The following RGS3 variants were observed in gnomAD, a reference collection of about 807,000 sequenced individuals.
The protein encoded by RGS3 is regulator of G protein signaling 3.
Under a neutral mutation model 132.6 loss-of-function variants are expected in RGS3, and 80 were observed. The observed-to-expected ratio is 0.60, with a 90% CI of 0.50 to 0.73. RGS3 has a LOEUF of 0.73. Among genes scored for constraint, RGS3 ranks in the 30% least tolerant of loss-of-function variants. The pLI, the probability that RGS3 is intolerant of heterozygous loss-of-function variation, is 0.00. For synonymous variants in RGS3, 598 were observed against 620.6 expected (o/e 0.96, Z 0.54); for missense variants, 1,382 against 1,530.8 (o/e 0.90, Z 1.62).
chr9:113,514,363 T>C, intron 14 of RGS3, 95 bp from the exon 13 acceptor site: 1 of 1,125,114 alleles, frequency 8.9e-7, no homozygotes, highest in Non-Finnish European at 1.3e-6. Context: ...AAAGTGGTTG[T>C]TGACGGAATG....
chr9:113,595,814 T>G, intron 24 of RGS3, 49 bp downstream of exon 22: 5 of 1,569,566 alleles, frequency 3.2e-6, no homozygotes, highest in Non-Finnish European at 4.4e-6. Flanking sequence ...CAGGGCCCAG[T>G]GGCCCTTCAG....
chr9:113,504,126 C>T (rs2119312664), intron 10 of RGS3, among the ~76,000 whole-genome samples: 1 of 152,284 alleles, frequency 6.6e-6, no homozygotes, highest in South Asian at 2.1e-4. Flanking sequence ...CCCTCCCACT[C>T]ACCTTCCTTA....
intron 19 of RGS3, among the ~76,000 whole-genome samples, chr9:113,567,906 C>A (rs1231396961): frequency 2.6e-5 from 4 of 152,216 alleles, no homozygotes; most frequent in Non-Finnish European, 5.9e-5. Flanking sequence ...AGAGGCACAG[C>A]TGAAGAGAGA....
At chr9:113,577,827 C>T (rs1834602639) in intron 19 of RGS3, among the ~76,000 whole-genome samples, 1 of 152,246 alleles carries the variant, frequency 6.6e-6, no homozygotes, top group Non-Finnish European at 1.5e-5. Flanking sequence ...TTCCTTCACA[C>T]TGCAGATCTT....
Position 113,565,463 on chromosome 9 carries a change from G to A in RGS3, c.2038-17987G>A, listed in dbSNP as rs889848155. On this transcript the variant is annotated intron_variant, in intron 19 of 24. Transcript: ENST00000350696. This position sits in a 1 kb window ranked among gnomAD's most constrained non-coding sequence, Gnocchi z 5.7. ...CGGGTGATGCAAGGGTTTTGAAAGC[G>A]CTACCTAGATGTGGGAGGTGGAACC... 2 of 1,090,088 alleles carry A rather than the reference G, an allele frequency of 1.8e-6. No individual in the cohort carries two copies. The highest frequency in any genetic ancestry group is 2.5e-6 in the Non-Finnish European group (2 of 811,486). 67.5% of individuals were successfully genotyped at this position (1,090,088 alleles called of 1,614,324 possible).
At chr9:113,456,235 A>G (rs1338757433), upstream of RGS3, among the ~76,000 whole-genome samples, 3 of 152,102 alleles carry the variant, frequency 2.0e-5, no homozygotes, top group Non-Finnish European at 4.4e-5. Flanking sequence ...ATGCATGCTC[A>G]TGGCCTCACA....
chr9:113,575,823 A>C (rs1834494812), intron 19 of RGS3, among the ~76,000 whole-genome samples: 1 of 151,990 alleles, frequency 6.6e-6, no homozygotes, highest in African/African-American at 2.4e-5. Context: ...TTTTTAAGAT[A>C]CTCCTCAGGT....
intron 19 of RGS3, among the ~76,000 whole-genome samples, chr9:113,558,923 G>A (rs1833675771): frequency 6.6e-6 from 1 of 152,248 alleles, no homozygotes; most frequent in Non-Finnish European, 1.5e-5. Flanking sequence ...ACCACATTTT[G>A]AGTGGACTGA....
At chr9:113,594,826 C>A in intron 22 of RGS3, 93 bp from the exon 21 acceptor site, 1 of 1,234,294 alleles carries the variant, frequency 8.1e-7, no homozygotes, top group Non-Finnish European at 1.2e-6. Flanking sequence ...CAGACTGGGC[C>A]CAGGGCAGTA....
At chr9:113,449,683 G>A (rs543614369) in intron 1 of RGS3, among the ~76,000 whole-genome samples, 1 of 152,172 alleles carries the variant, frequency 6.6e-6, no homozygotes, top group Non-Finnish European at 1.5e-5. Context: ...CATGATTTAT[G>A]TCTTATACAC....
At chr9:113,459,485 C>G (rs1335425681), upstream of RGS3, among the ~76,000 whole-genome samples, 1 of 152,160 alleles carries the variant, frequency 6.6e-6, no homozygotes, top group East Asian at 1.9e-4. Context: ...CACGGTGGTT[C>G]ACGCCTATAA....
In RGS3 at chr9:113,507,489, A is replaced by G; in HGVS notation, c.1288A>G (p.Ser430Gly). 6.2e-7 allele frequency: 1 copy of G among 1,612,796 alleles called. No homozygotes were observed. The highest frequency in any genetic ancestry group is 8.5e-7 in the Non-Finnish European group (1 of 1,179,560). Residue 430 changes from serine (S) to glycine (G), a missense_variant, in exon 13 of 25, where the codon AGC becomes GGC. Ser to Gly is a moderately conservative substitution (Grantham distance 56). Coordinates refer to ENST00000350696, the Ensembl canonical transcript of RGS3. This position sits in a 1 kb window ranked among gnomAD's most constrained non-coding sequence, Gnocchi z 5.0. Reference sequence around the variant, plus strand: ...CCACAGCTGCCACCTGGTATGTGACAGCTCTGATGGGCTGCTGCTCGGCGG... The same window carrying G: ...CCACAGCTGCCACCTGGTATGTGACGGCTCTGATGGGCTGCTGCTCGGCGG...
intron 17 of RGS3, among the ~76,000 whole-genome samples, chr9:113,525,608 A>T (rs989706915): frequency 6.6e-6 from 1 of 152,256 alleles, no homozygotes; most frequent in African/African-American, 2.4e-5. Context: ...CCATGTATGC[A>T]GAATTCAATT....
intron 7 of RGS3, among the ~76,000 whole-genome samples, chr9:113,494,775 A>G (rs1039825452): frequency 6.6e-6 from 1 of 152,118 alleles, no homozygotes; most frequent in Non-Finnish European, 1.5e-5. Context: ...CACCTGGCCC[A>G]TGCCATCATT....
intron 1 of RGS3, among the ~76,000 whole-genome samples, chr9:113,452,173 A>T (rs920682641): frequency 2.6e-5 from 4 of 151,400 alleles, no homozygotes; most frequent in Non-Finnish European, 5.9e-5. Context: ...TACTTTTTAA[A>T]TTTTTTTTGT....
chr9:113,517,288 A>G, intron 15 of RGS3: 4 of 629,080 alleles, frequency 6.4e-6, no homozygotes, highest in Non-Finnish European at 1.2e-5. Flanking sequence ...ACTTCCTGTC[A>G]ATGAGTGTAG....
intron 14 of RGS3, 80 bp downstream of exon 12, chr9:113,508,660 C>T: frequency 3.4e-6 from 5 of 1,478,780 alleles, no homozygotes; most frequent in Admixed American, 3.4e-5. Context: ...AGCCTCCGCC[C>T]CTGAGTTCTG....
chr9:113,584,059 G>A (rs746534313), exon 20 of RGS3: 3 of 1,614,192 alleles, frequency 1.9e-6, no homozygotes, highest in Non-Finnish European at 2.5e-6. Flanking sequence ...GGAGGATGCA[G>A]AAGAGGCCGA....
upstream of RGS3, among the ~76,000 whole-genome samples, chr9:113,456,450 AT>A (rs1829363790): frequency 6.6e-6 from 1 of 152,058 alleles, no homozygotes; most frequent in African/African-American, 2.4e-5. Context: ...CTTCTAAACA[AT>A]TTCTCAAGCC....
Sources: allele counts gnomAD v4.1 joint callset (sites outside exome capture counted in the v4.1 genomes callset), GRCh38; gene constraint gnomAD v4.1.1; non-coding constraint Gnocchi (gnomAD v3.1); transcripts MANE v1.5; gene names NCBI Gene and HGNC (gene_info 2026-07-23, HGNC 2026-07-21).